SEMA4C: variants seen among roughly 807,000 people sequenced by gnomAD.
SEMA4C encodes semaphorin 4C.
A neutral mutation model predicts 89.0 loss-of-function variants in SEMA4C; 19 were observed. The observed-to-expected ratio is 0.21, with a 90% CI of 0.15 to 0.31. The LOEUF (loss-of-function observed/expected upper bound fraction) is 0.31. Ranked by LOEUF, SEMA4C falls within the 10% of genes least tolerant of loss-of-function variation. SEMA4C has a pLI of 1.00. For missense variants in SEMA4C, 811 were observed against 1,107.0 expected, an observed-to-expected ratio of 0.73 and a Z score of 3.79; for synonymous variants, 428 against 472.7, an observed-to-expected ratio of 0.91 and a Z score of 1.23.
chr2:96,868,321 G>C (rs917722101), intron 1 of SEMA4C: 19 of 721,190 alleles, frequency 2.6e-5, no homozygotes, highest in Non-Finnish European at 3.2e-5. Context: ...CTGGGGCTCC[G>C]GACCCTGCCA....
At chr2:96,870,119 C>G, upstream of SEMA4C, 1 of 969,162 alleles carries the variant, frequency 1.0e-6, no homozygotes, top group Non-Finnish European at 1.2e-6. Flanking sequence ...CCCTTGACGT[C>G]AGGCTGGGGG....
At chr2:96,865,980 C>T (rs1421726616) in intron 3 of SEMA4C, 51 bp from the exon 4 acceptor site, 6 of 1,580,336 alleles carry the variant, frequency 3.8e-6, no homozygotes, top group East Asian at 2.2e-5. Flanking sequence ...GGACTGAGCA[C>T]GTGTCACAAG....
chr2:96,870,581 C>A (rs192388656), upstream of SEMA4C: 274 of 985,492 alleles, frequency 2.8e-4, 1 homozygote, highest in African/African-American at 4.4e-3. Flanking sequence ...TCTTTCTAGG[C>A]CCCGAGGACC....
In SEMA4C at chr2:96,869,869, C is replaced by G. The variant is rs2080168548; in HGVS notation, c.-38+7G>C. Reference sequence around the variant, plus strand: ...CTCCAGCCTCACGCAAGCCCGGCCTCGCTCACCTATTGCGCGCAGCTCCAG... The same window carrying G: ...CTCCAGCCTCACGCAAGCCCGGCCTGGCTCACCTATTGCGCGCAGCTCCAG... On this transcript the variant is annotated splice_region_variant and intron_variant, in intron 1 of 14. Transcript: ENST00000305476. The G allele has an allele frequency of 1.0e-6, 1 of 985,726 alleles. No homozygotes were observed. Among genetic ancestry groups the G allele is most frequent in the Admixed American group, 6.1e-5 (1 of 16,262 alleles). The allele number at this position is 985,726 out of a possible 1,614,324, so 61.1% of individuals were successfully genotyped here.
At chr2:96,863,217 A>G (rs922483329) in intron 12 of SEMA4C, 15 of 990,388 alleles carry the variant, frequency 1.5e-5, no homozygotes, top group Non-Finnish European at 1.8e-5. Flanking sequence ...CTCAAAAAAA[A>G]ACCAAAAAGA....
Position 96,865,692 on chromosome 2 carries a change from C to T in SEMA4C, c.394G>A (p.Ala132Thr). Residue 132 changes from alanine (A) to threonine (T), a missense_variant, in exon 5 of 15, where the codon GCC (alanine) becomes ACC (threonine). This residue lies in a region of SEMA4C where 3 missense variants were observed against 20.4 expected (regional missense o/e 0.15). Transcript: ENST00000305476. ...ACGTAGGTGCACTTGGGCTGGAAGG[C>T]GTAGGTGCCACAGACGTACAGGTGG... is the stretch of plus-strand genomic sequence containing the variant. ...ASHLYVCGTY[A>T]FQPKCTYVNM... 1.9e-6 allele frequency: 3 copies of T among 1,614,030 alleles called. No homozygotes were observed. Among genetic ancestry groups the T allele is most frequent in the East Asian group, 2.2e-5 (1 of 44,868 alleles).
Position 96,865,198 on chromosome 2 carries a change from G to A in SEMA4C, c.634+6C>T, listed in dbSNP as rs768748756. 2.4e-5 allele frequency: 38 copies of A among 1,613,276 alleles called. No individual in the cohort carries two copies. In the South Asian group the frequency reaches 4.0e-4, roughly 17 times the overall value. On this transcript the variant is annotated splice_donor_region_variant and intron_variant, in intron 7 of 14. Transcript: ENST00000305476. ...CATGGCTCCCACAGGCCCCCCGGTG[G>A]CTCACCGTTGAGCCAAAAGGCCAGG...
At chr2:96,862,586 G>A (rs551817433) in intron 12 of SEMA4C, 2 of 152,460 alleles carry the variant, frequency 1.3e-5, no homozygotes, top group African/African-American at 2.4e-5. Flanking sequence ...CGGCTGGCCA[G>A]GCGCAGTGGC....
rs758317033 is a variant in SEMA4C at position 96,859,813 on chromosome 2, A to G, written c.*813T>C. The G allele has an allele frequency of 6.6e-6, 1 of 152,272 alleles. No individual in the cohort carries two copies. The highest frequency in any genetic ancestry group is 1.5e-5 in the Non-Finnish European group (1 of 68,050). The allele number at this position is 152,272 out of a possible 1,614,324, so 9.4% of individuals were successfully genotyped here. On this transcript the variant is annotated 3_prime_UTR_variant, in exon 15 of 15. Transcript: ENST00000305476. ...CAACAAATAAATACGCGGGGACACA[A>G]TAAGTTACACTGTTAGGAGCCCTCC...
At position 96,869,276 on chromosome 2, in the gene SEMA4C, G is replaced by T. The variant is rs865898540; in HGVS notation, c.-38+600C>A. 5 of 985,272 alleles carry T rather than the reference G, an allele frequency of 5.1e-6. No homozygotes were observed. In the African/African-American group the frequency reaches 5.2e-5, roughly 10 times the overall value. The allele number at this position is 985,272 out of a possible 1,614,324, so 61.0% of individuals were successfully genotyped here. ...GCAGCTCCCCCCAGGGCGAGGAAAC[G>T]GGCAGCCGGGAGGAGGGGTTGGGGG... On this transcript the variant is annotated intron_variant, in intron 1 of 14. Coordinates refer to ENST00000305476, the MANE Select transcript of SEMA4C (RefSeq NM_017789.5).
chr2:96,862,023 AGGAACAAG>A (rs1166299894), intron 12 of SEMA4C, 129 bp from the exon 13 acceptor site: 139 of 1,005,244 alleles, frequency 1.4e-4, no homozygotes, highest in Non-Finnish European at 1.8e-4. Flanking sequence ...CGCCAGAAGG[AGGAACAAG>A]GGAACAAGGC....
chr2:96,867,681 A>T (rs1559037357), intron 2 of SEMA4C, 97 bp downstream of exon 2: 4 of 1,242,950 alleles, frequency 3.2e-6, no homozygotes, highest in Non-Finnish European at 4.6e-6. Flanking sequence ...TTTCTTAGAA[A>T]GCTGTGCCAC....
chr2:96,869,356 C>T (rs1027565358), intron 1 of SEMA4C: 2 of 985,208 alleles, frequency 2.0e-6, no homozygotes, highest in Non-Finnish European at 2.4e-6. Flanking sequence ...CCCGAGCGGC[C>T]AGCCGTGGAC....
intron 2 of SEMA4C, among the ~76,000 whole-genome samples, chr2:96,867,431 TA>T (rs1002312404): frequency 5.7e-4 from 86 of 152,134 alleles, no homozygotes; most frequent in African/African-American, 2.0e-3. Flanking sequence ...TAGGAGGTCT[TA>T]GGGGGGCCTG....
chr2:96,867,550 G>A (rs986075625), intron 2 of SEMA4C, among the ~76,000 whole-genome samples: 1 of 152,160 alleles, frequency 6.6e-6, no homozygotes, highest in Non-Finnish European at 1.5e-5. Flanking sequence ...AGAGGGCGAG[G>A]CAGAAGGCTC....
At chr2:96,870,141 G>T (rs1011448191), upstream of SEMA4C, 146 of 977,498 alleles carry the variant, frequency 1.5e-4, no homozygotes, top group Admixed American at 1.8e-4. Context: ...GTCGAGCGGA[G>T]GCCGGGGGCG....
chr2:96,863,994 G>C lies in SEMA4C; in HGVS notation c.1262C>G (p.Thr421Ser). 2 of 1,613,566 alleles carry C rather than the reference G, an allele frequency of 1.2e-6. No homozygotes were observed. Among genetic ancestry groups the C allele is most frequent in the Non-Finnish European group, 1.7e-6 (2 of 1,180,008 alleles). ...TGTAACCCGGTCGGCCACCAGGTGG[G>C]TGAAGTTGGTGCCCTTCTTCACGAG... ...PLLVKKGTNF[T>S]HLVADRVTGL... Residue 421 changes from threonine (T) to serine (S), a missense_variant, in exon 11 of 15, where the codon ACC becomes AGC. By Grantham distance (58) the Thr-to-Ser change is moderately conservative. Coordinates refer to ENST00000305476, the MANE Select transcript of SEMA4C (RefSeq NM_017789.5).
intron 1 of SEMA4C, chr2:96,869,268 G>A (rs902242506): frequency 4.1e-6 from 4 of 985,290 alleles, no homozygotes; most frequent in Non-Finnish European, 4.8e-6. Flanking sequence ...CCCCCAGGGC[G>A]AGGAAACGGG....
At chr2:96,869,692 C>A (rs968105267) in intron 1 of SEMA4C, 184 bp downstream of exon 1, 5 of 985,228 alleles carry the variant, frequency 5.1e-6, no homozygotes, top group Non-Finnish European at 6.0e-6. Context: ...ACTCCCGAGA[C>A]CCTGCGAAGC....
Sources: gnomAD v4.1 joint callset for allele counts (sites outside exome capture counted in the v4.1 genomes callset) on GRCh38, gnomAD v4.1.1 for gene constraint, gnomAD v4.1.1 regional missense constraint, MANE v1.5 for transcripts, NCBI Gene and HGNC (gene_info 2026-07-23, HGNC 2026-07-21) for gene names.